The following GUCY2D variants were observed in gnomAD, a reference collection of about 807,000 sequenced individuals.
The protein encoded by GUCY2D is guanylate cyclase 2D, retinal, also known as retinal guanylyl cyclase 1.
Under a neutral mutation model 101.3 loss-of-function variants are expected in GUCY2D, and 70 were observed. The ratio of observed to expected loss-of-function variants is 0.69; its 90% CI spans 0.57 to 0.84. The LOEUF (loss-of-function observed/expected upper bound fraction) is 0.84. Ranked by LOEUF, GUCY2D falls within the 40% of genes least tolerant of loss-of-function variation. The pLI is 0.00. For missense variants in GUCY2D, 1,460 were observed against 1,542.5 expected (o/e 0.95, Z 0.90); for synonymous variants, 688 against 670.7 (o/e 1.03, Z -0.40).
Position 8,003,781 on chromosome 17 carries a change from G to A in GUCY2D, c.721+13G>A, listed in dbSNP as rs1334978741. 6.2e-7 allele frequency: 1 copy of A among 1,600,736 alleles called. No individual in the cohort carries two copies. Among genetic ancestry groups the A allele is most frequent in the Non-Finnish European group, 8.5e-7 (1 of 1,179,350 alleles). ...CCCAGGGTCACAGGTAGGCTCCCTT[G>A]CAGGGTGCGAGGAGGTCGGCTGGTC... On this transcript the variant is annotated intron_variant, in intron 2 of 19. Coordinates refer to ENST00000254854, the MANE Select transcript of GUCY2D (RefSeq NM_000180.4).
In GUCY2D at chr17:8,013,660, A is replaced by G. The variant is rs980724682; in HGVS notation, c.2264-220A>G. On this transcript the variant is annotated intron_variant, in intron 11 of 19. Transcript: ENST00000254854. The surrounding 1 kb of genome is among the most constrained non-coding windows in gnomAD (Gnocchi z 5.0). The stretch of plus-strand genomic sequence containing the variant: ...ATATGTTAGTTTCTTTGCCTATGTC[A>G]CCTCTTACTGACCCCCAGAGTTCGA... 3 of 599,696 alleles carry G rather than the reference A, an allele frequency of 5.0e-6. No individual in the cohort carries two copies. The highest frequency in any genetic ancestry group is 2.9e-5 in the Admixed American group (1 of 33,962). 37.1% of individuals were successfully genotyped at this position (599,696 alleles called of 1,614,324 possible). A position where few individuals can be genotyped will look rare whatever the true frequency, so the allele number is the denominator to read the frequency against.
rs376929203 is a variant in GUCY2D at position 8,007,653 on chromosome 17, G to A, written c.1566+125G>A. The A allele has an allele frequency of 8.1e-5, 55 of 682,688 alleles. 1 individual carries two copies. The highest frequency in any genetic ancestry group is 6.0e-4 in the South Asian group (36 of 60,020). 42.3% of individuals were successfully genotyped at this position (682,688 alleles called of 1,614,324 possible). A position where few individuals can be genotyped will look rare whatever the true frequency, so the allele number is the denominator to read the frequency against. On this transcript the variant is annotated intron_variant, in intron 6 of 19. Transcript: ENST00000254854. ...GATTTCTACCCCAGTTCTGTCCCACGTCTGAAGTCTAGGGATCAGCACCCT... is the reference window on the plus strand; with the variant it reads ...GATTTCTACCCCAGTTCTGTCCCACATCTGAAGTCTAGGGATCAGCACCCT...
At chr17:8,009,963 G>A (rs1331013589) in intron 8 of GUCY2D, among the ~76,000 whole-genome samples, 4 of 151,942 alleles carry the variant, frequency 2.6e-5, no homozygotes, top group Middle Eastern at 3.4e-3. Flanking sequence ...GGGTGACAGA[G>A]CAAGACCCTG....
intron 4 of GUCY2D, 50 bp from the exon 5 acceptor site, chr17:8,007,010 G>A: frequency 1.4e-6 from 2 of 1,449,444 alleles, no homozygotes; most frequent in East Asian, 2.3e-5. Flanking sequence ...TAGAGAAGAG[G>A]CCTCCCCTGG....
intron 7 of GUCY2D, among the ~76,000 whole-genome samples, chr17:8,008,664 C>T (rs1271137057): frequency 2.0e-5 from 3 of 152,096 alleles, no homozygotes; most frequent in Non-Finnish European, 2.9e-5. Context: ...ATCATCATGG[C>T]CAATTCTCAG....
At position 8,013,024 on chromosome 17, in the gene GUCY2D, G is replaced by A; in HGVS notation, c.2114-79G>A. On this transcript the variant is annotated intron_variant, in intron 10 of 19. Coordinates refer to ENST00000254854, the MANE Select transcript of GUCY2D (RefSeq NM_000180.4). The surrounding 1 kb of genome is among the most constrained non-coding windows in gnomAD (Gnocchi z 5.0). Reference sequence around the variant, plus strand: ...GGTCTCAGGCTGCAGGGTTGGTGGTGTCTGGGTGCCAACCTGGGCTTTCTG... The same window carrying A: ...GGTCTCAGGCTGCAGGGTTGGTGGTATCTGGGTGCCAACCTGGGCTTTCTG... 1 of 1,385,254 alleles carries A rather than the reference G, an allele frequency of 7.2e-7. No individual in the cohort carries two copies. Among genetic ancestry groups the A allele is most frequent in the South Asian group, 1.2e-5 (1 of 82,000 alleles). 85.8% of individuals were successfully genotyped at this position (1,385,254 alleles called of 1,614,324 possible). A position where few individuals can be genotyped will look rare whatever the true frequency, so the allele number is the denominator to read the frequency against.
Position 8,014,452 on chromosome 17 carries a change from C to A in GUCY2D, c.2413-149C>A. 1 of 774,738 alleles carries A rather than the reference C, an allele frequency of 1.3e-6. No homozygotes were observed. 48.0% of individuals were successfully genotyped at this position (774,738 alleles called of 1,614,324 possible). On this transcript the variant is annotated intron_variant, in intron 12 of 19. Coordinates refer to ENST00000254854, the MANE Select transcript of GUCY2D (RefSeq NM_000180.4). The surrounding 1 kb of genome is among the most constrained non-coding windows in gnomAD (Gnocchi z 4.0). Reference sequence around the variant, plus strand: ...GTCTGAAAACACAGTGCCCAGCACCCCGGGGTGCTTGATGAATAGTAGATG... The same window carrying A: ...GTCTGAAAACACAGTGCCCAGCACCACGGGGTGCTTGATGAATAGTAGATG...
Position 8,003,880 on chromosome 17 carries a change from G to A in GUCY2D, c.750G>A (p.Leu250=), listed in dbSNP as rs777436847. The part of the protein sequence containing the change: ...TAVIMVMHSV[L]LGGEEQRYLL... ...TGATCATGGTGATGCACTCGGTGCT[G>A]CTGGGTGGCGAGGAGCAGCGCTACC... is the stretch of plus-strand genomic sequence containing the variant. The change falls in exon 3 of 20, where the codon CTG becomes CTA. Residue 250 remains leucine, a synonymous_variant. Coordinates refer to ENST00000254854, the MANE Select transcript of GUCY2D (RefSeq NM_000180.4). 1.4e-5 allele frequency: 22 copies of A among 1,613,038 alleles called. No homozygotes were observed. The highest frequency in any genetic ancestry group is 1.7e-5 in the Non-Finnish European group (20 of 1,179,832).
At position 8,003,718 on chromosome 17, in the gene GUCY2D, C is replaced by G; in HGVS notation, c.671C>G (p.Ser224Cys). The G allele has an allele frequency of 1.3e-6, 2 of 1,598,344 alleles. No homozygotes were observed. The highest frequency in any genetic ancestry group is 2.7e-5 in the African/African-American group (2 of 75,046). ...SVTSMEPLDL[S>C]GAREALRKVR... ...ACTTCCATGGAGCCCTTGGACCTGTCTGGAGCCCGGGAGGCCCTGAGGAAG... is the reference window on the plus strand; with the variant it reads ...ACTTCCATGGAGCCCTTGGACCTGTGTGGAGCCCGGGAGGCCCTGAGGAAG... The change falls in exon 2 of 20, where the codon TCT (serine) becomes TGT (cysteine). Residue 224 changes from serine (S) to cysteine (C), a missense_variant. Ser to Cys is a moderately radical substitution (Grantham distance 112, BLOSUM62 -1). Coordinates refer to ENST00000254854, the MANE Select transcript of GUCY2D (RefSeq NM_000180.4).
intron 8 of GUCY2D, 88 bp from the exon 9 acceptor site, chr17:8,012,056 T>A: frequency 1.1e-6 from 1 of 900,996 alleles, no homozygotes; most frequent in Non-Finnish European, 1.9e-6. Flanking sequence ...ATCTTCTGGG[T>A]CTGGATACTC....
chr17:8,014,486 C>T lies in GUCY2D; in HGVS notation c.2413-115C>T, dbSNP rs1161078040. The T allele has an allele frequency of 9.6e-6, 9 of 941,692 alleles. No homozygotes were observed. The highest frequency in any genetic ancestry group is 1.6e-5 in the Non-Finnish European group (9 of 577,508). 58.3% of individuals were successfully genotyped at this position (941,692 alleles called of 1,614,324 possible). On this transcript the variant is annotated intron_variant, in intron 12 of 19. Transcript: ENST00000254854. The surrounding 1 kb of genome is among the most constrained non-coding windows in gnomAD (Gnocchi z 4.0). ...TTGATGAATAGTAGATGAATGGTGG[C>T]AGCGGGGTTGGGGTTCAGAGTGAAC...
At position 8,006,730 on chromosome 17, in the gene GUCY2D, C is replaced by G. The variant is rs963135195; in HGVS notation, c.1378+16C>G. ...TGCGGTGGAGGTGAGGGCGAGCACC[C>G]CAGTCCCCACTGAGACAATCGCCAT... On this transcript the variant is annotated intron_variant, in intron 4 of 19. Coordinates refer to ENST00000254854, the MANE Select transcript of GUCY2D (RefSeq NM_000180.4). 2 of 1,567,654 alleles carry G rather than the reference C, an allele frequency of 1.3e-6. No homozygotes were observed. The highest frequency in any genetic ancestry group is 1.4e-5 in the African/African-American group (1 of 73,870).
chr17:8,003,934 G>T lies in GUCY2D; in HGVS notation c.804G>T (p.Leu268=), dbSNP rs746769693. 1 of 1,613,654 alleles carries T rather than the reference G, an allele frequency of 6.2e-7. No homozygotes were observed. Among genetic ancestry groups the T allele is most frequent in the African/African-American group, 1.3e-5 (1 of 75,048 alleles). The change falls in exon 3 of 20, where the codon CTG becomes CTT. Residue 268 remains leucine, a synonymous_variant. Transcript: ENST00000254854. ...YLLEAAEELG[L]TDGSLVFLPF... is the part of the protein sequence containing the mutation. ...TGGAGGCCGCAGAGGAGCTGGGCCT[G>T]ACCGATGGCTCCCTGGTCTTCCTGC... is the stretch of plus-strand genomic sequence containing the variant.
At chr17:8,015,708 C>A (rs1354859160) in intron 15 of GUCY2D, 35 bp from the exon 16 acceptor site, 24 of 1,497,138 alleles carry the variant, frequency 1.6e-5, no homozygotes, top group Non-Finnish European at 2.1e-5. Flanking sequence ...CAGGGCCGGC[C>A]CTGCTAGCCC....
At chr17:8,010,714 C>A (rs1975833917) in intron 8 of GUCY2D, among the ~76,000 whole-genome samples, 1 of 146,644 alleles carries the variant, frequency 6.8e-6, no homozygotes, top group African/African-American at 2.5e-5. Flanking sequence ...GAGGCTGAGG[C>A]AGAAGAATGG....
intron 3 of GUCY2D, among the ~76,000 whole-genome samples, chr17:8,004,868 G>A (rs72841478): frequency 0.14 from 21,918 of 152,098 alleles, 1,774 homozygotes; most frequent in East Asian, 0.33. Flanking sequence ...ATTTCCCATC[G>A]ATGCCCCTAG....
chr17:8,012,183 G>C lies in GUCY2D; in HGVS notation c.1789G>C (p.Gly597Arg). 1 of 1,614,088 alleles carries C rather than the reference G, an allele frequency of 6.2e-7. No individual in the cohort carries two copies. The highest frequency in any genetic ancestry group is 2.2e-5 in the East Asian group (1 of 44,884). ...LRHENVALYLGLFLARGAEGP... is the reference protein window; with the variant it reads ...LRHENVALYLRLFLARGAEGP... ...GCATGAGAACGTGGCCCTCTACCTGGGGCTTTTCCTGGCTCGGGGAGCAGA... is the reference window on the plus strand; with the variant it reads ...GCATGAGAACGTGGCCCTCTACCTGCGGCTTTTCCTGGCTCGGGGAGCAGA... Residue 597 changes from glycine (G) to arginine (R), a missense_variant, in exon 9 of 20, where the codon GGG (glycine) becomes CGG (arginine). Transcript: ENST00000254854.
Position 8,014,456 on chromosome 17 carries a change from G to T in GUCY2D, c.2413-145G>T, listed in dbSNP as rs1975920766. ...GAAAACACAGTGCCCAGCACCCCGG[G>T]GTGCTTGATGAATAGTAGATGAATG... On this transcript the variant is annotated intron_variant, in intron 12 of 19. Coordinates refer to ENST00000254854, the MANE Select transcript of GUCY2D (RefSeq NM_000180.4). This position sits in a 1 kb window ranked among gnomAD's most constrained non-coding sequence, Gnocchi z 4.0. The T allele has an allele frequency of 2.5e-6, 2 of 786,334 alleles. No homozygotes were observed. Among genetic ancestry groups the T allele is most frequent in the African/African-American group, 1.7e-5 (1 of 59,088 alleles). The allele number at this position is 786,334 out of a possible 1,614,324, so 48.7% of individuals were successfully genotyped here.
At chr17:8,016,080 C>A (rs1354109837) in intron 17 of GUCY2D, 59 bp downstream of exon 17, 4 of 1,475,314 alleles carry the variant, frequency 2.7e-6, no homozygotes, top group South Asian at 1.2e-5. Flanking sequence ...CACCGCCCAT[C>A]CCGGGCCGCG....
Sources: allele counts gnomAD v4.1 joint callset (sites outside exome capture counted in the v4.1 genomes callset), GRCh38; gene constraint gnomAD v4.1.1; non-coding constraint Gnocchi (gnomAD v3.1); transcripts MANE v1.5; gene names NCBI Gene and HGNC (gene_info 2026-07-23, HGNC 2026-07-21).